The following CTNNA2 variants were observed in gnomAD, a reference collection of about 807,000 sequenced individuals.
CTNNA2 encodes catenin alpha-2.
In CTNNA2, 42 loss-of-function variants were observed where a neutral mutation model predicts 101.0. The ratio of observed to expected loss-of-function variants is 0.42; its 90% confidence interval spans 0.32 to 0.54. The LOEUF (loss-of-function observed/expected upper bound fraction) is 0.54. Ranked by LOEUF, CTNNA2 falls within the 20% of genes least tolerant of loss-of-function variation. CTNNA2 has a pLI of 0.14. For missense variants in CTNNA2, 871 were observed against 1,223.1 expected (o/e 0.71, Z 4.29); for synonymous variants, 450 against 456.4 (o/e 0.99, Z 0.18).
chr2:80,108,121 T>C (rs1244666314), intron 7 of CTNNA2, among the ~76,000 whole-genome samples: 1 of 152,180 alleles, frequency 6.6e-6, no homozygotes, highest in Admixed American at 6.5e-5. Context: ...GTTTTCATTT[T>C]AATGAGAATC....
chr2:80,474,317 C>T (rs528487881), intron 9 of CTNNA2, among the ~76,000 whole-genome samples: 1 of 152,188 alleles, frequency 6.6e-6, no homozygotes, highest in South Asian at 2.1e-4. Context: ...TTGCCCTGAG[C>T]CTTAAGATCT....
At chr2:79,205,999 T>C (rs989282958) in intron 2 of CTNNA2, among the ~76,000 whole-genome samples, 1 of 152,156 alleles carries the variant, frequency 6.6e-6, no homozygotes, top group African/African-American at 2.4e-5. Flanking sequence ...CCTAAGAAGC[T>C]GAAAAAACAG....
intron 1 of CTNNA2, among the ~76,000 whole-genome samples, chr2:79,577,741 A>C (rs992138162): frequency 1.3e-5 from 2 of 152,128 alleles, no homozygotes; most frequent in African/African-American, 4.8e-5. Context: ...AGGTGTTGCC[A>C]ACTCAATAGT....
intron 2 of CTNNA2, among the ~76,000 whole-genome samples, chr2:79,680,764 G>A (rs1158703908): frequency 6.6e-6 from 1 of 152,178 alleles, no homozygotes; most frequent in Non-Finnish European, 1.5e-5. Flanking sequence ...CAACCTAAAT[G>A]TGAAGTATTA....
intron 7 of CTNNA2, among the ~76,000 whole-genome samples, chr2:80,331,893 T>C (rs1671367333): frequency 6.6e-6 from 1 of 152,144 alleles, no homozygotes; most frequent in African/African-American, 2.4e-5. Flanking sequence ...AATGACTCCA[T>C]TGATGCTACT....
chr2:80,249,572 A>G (rs1461765301), intron 7 of CTNNA2, among the ~76,000 whole-genome samples: 2 of 152,214 alleles, frequency 1.3e-5, no homozygotes, highest in East Asian at 1.9e-4. Context: ...CTATTATTAT[A>G]TTAATTAAAA....
chr2:80,606,941 A>T (rs1477327943), intron 16 of CTNNA2, among the ~76,000 whole-genome samples: 1 of 151,910 alleles, frequency 6.6e-6, no homozygotes, highest in African/African-American at 2.4e-5. Flanking sequence ...GAGTAGGATA[A>T]ATATTACAGT....
chr2:80,613,723 C>T (rs969946762), intron 17 of CTNNA2, among the ~76,000 whole-genome samples: 5 of 151,438 alleles, frequency 3.3e-5, no homozygotes, highest in African/African-American at 1.2e-4. Context: ...CCAATATACT[C>T]ATTTTAAAAT....
chr2:80,435,862 C>G (rs187910322), intron 9 of CTNNA2, among the ~76,000 whole-genome samples: 4 of 152,264 alleles, frequency 2.6e-5, no homozygotes, highest in Admixed American at 6.5e-5. Context: ...GAAAATAAAT[C>G]TTTCATACAG....
intron 7 of CTNNA2, among the ~76,000 whole-genome samples, chr2:80,043,018 CCTTTCTTT>C (rs1325672620): frequency 1.5e-5 from 2 of 135,392 alleles, no homozygotes; most frequent in Non-Finnish European, 1.6e-5. Context: ...CCTTTCTTTC[CCTTTCTTT>C]CTTTCTTTCT....
intron 7 of CTNNA2, among the ~76,000 whole-genome samples, chr2:80,173,224 G>A (rs1021062310): frequency 7.9e-5 from 12 of 152,164 alleles, no homozygotes; most frequent in African/African-American, 2.4e-4. Flanking sequence ...GCCACGTCAC[G>A]TTTAGTGCAC....
At chr2:80,212,428 G>A (rs1707956660) in intron 7 of CTNNA2, among the ~76,000 whole-genome samples, 2 of 147,836 alleles carry the variant, frequency 1.4e-5, no homozygotes, top group African/African-American at 5.3e-5. Context: ...TTAGCATGAA[G>A]GGCTGTTGAA....
intron 2 of CTNNA2, among the ~76,000 whole-genome samples, chr2:79,243,853 T>C (rs969564177): frequency 1.3e-5 from 2 of 152,188 alleles, no homozygotes; most frequent in African/African-American, 4.8e-5. Flanking sequence ...GGAGAGAACC[T>C]TTCCATGTGG....
intron 4 of CTNNA2, among the ~76,000 whole-genome samples, chr2:79,485,933 A>G (rs1055929460): frequency 3.3e-5 from 5 of 152,188 alleles, no homozygotes; most frequent in Non-Finnish European, 7.3e-5. Context: ...TTTAACTCAG[A>G]GAACCTGATG....
At chr2:79,512,967 T>C (rs1024439695), upstream of CTNNA2, 2 of 150,898 alleles carry the variant, frequency 1.3e-5, no homozygotes, top group Non-Finnish European at 3.0e-5. Context: ...CGCTCGCGCT[T>C]GGGCAGGACG....
At chr2:79,276,787 G>A (rs1675223370) in intron 2 of CTNNA2, among the ~76,000 whole-genome samples, 1 of 151,818 alleles carries the variant, frequency 6.6e-6, no homozygotes, top group South Asian at 2.1e-4. Flanking sequence ...TTGTCCCCTT[G>A]TATTTATGGT....
In CTNNA2 at chr2:80,200,956, G is replaced by A. The variant is rs187624111; in HGVS notation, c.1057-192255G>A. 9.2e-5 allele frequency among the ~76,000 whole-genome samples: 14 copies of A among 151,970 alleles called. 1 individual carries two copies. The highest frequency in any genetic ancestry group is 3.9e-4 in the Admixed American group (6 of 15,266). ...ACAAAGATTATACAATCATCCCTAA[G>A]TATTCACGGGGAATTGATTCCAGGA... is the stretch of plus-strand genomic sequence containing the variant. On this transcript the variant is annotated intron_variant, in intron 7 of 18. Coordinates refer to ENST00000402739, the MANE Select transcript of CTNNA2 (RefSeq NM_001282597.3).
chr2:79,351,772 C>CT (rs1411589821), intron 3 of CTNNA2, among the ~76,000 whole-genome samples: 2 of 152,224 alleles, frequency 1.3e-5, no homozygotes, highest in African/African-American at 2.4e-5. Context: ...TAATTTTATA[C>CT]TTTTTGTGGC....
chr2:79,388,161 A>G (rs1678126113), intron 4 of CTNNA2, among the ~76,000 whole-genome samples: 1 of 152,122 alleles, frequency 6.6e-6, no homozygotes, highest in African/African-American at 2.4e-5. Flanking sequence ...CAGTCCCAAG[A>G]CCTCAGTAGC....
Sources: gnomAD v4.1 joint callset for allele counts (sites outside exome capture counted in the v4.1 genomes callset) on GRCh38, gnomAD v4.1.1 for gene constraint, MANE v1.5 for transcripts, NCBI Gene and HGNC (gene_info 2026-07-23, HGNC 2026-07-21) for gene names.